Variants in SLIT3 observed in about 807,000 individuals in gnomAD.
The protein encoded by SLIT3 is slit guidance ligand 3, also known as slit homolog 3 protein.
SLIT3 carries 68 observed loss-of-function variants against 184.0 expected under a neutral mutation model. That is an observed-to-expected ratio of 0.37 (90% CI 0.30 to 0.45). SLIT3 has a LOEUF of 0.45. SLIT3 is among the 20% of genes least tolerant of loss of function. SLIT3 has a pLI of 1.00. For missense variants in SLIT3, 1,707 were observed against 2,026.0 expected, an observed-to-expected ratio of 0.84 and a Z score of 3.02; for synonymous variants, 831 against 828.6, an observed-to-expected ratio of 1.00 and a Z score of -0.05.
chr5:168,837,721 T>C (rs1758100007), intron 6 of SLIT3, among the ~76,000 whole-genome samples: 1 of 152,210 alleles, frequency 6.6e-6, no homozygotes, highest in South Asian at 2.1e-4. Context: ...AGAGAAACAG[T>C]ACAGAAGTAT....
intron 4 of SLIT3, among the ~76,000 whole-genome samples, chr5:169,086,799 A>C (rs1361422733): frequency 1.3e-5 from 2 of 152,174 alleles, no homozygotes; most frequent in African/African-American, 2.4e-5. Flanking sequence ...ATGTGGACAA[A>C]GGTTTAGGCC....
rs563626598 is a variant in SLIT3 at position 168,824,933 on chromosome 5, T to A, written c.558-1602A>T. On this transcript the variant is annotated intron_variant, in intron 6 of 35. Coordinates refer to ENST00000519560, the MANE Select transcript of SLIT3 (RefSeq NM_003062.4). The stretch of plus-strand genomic sequence containing the variant: ...TCCGCTTCAAATGCCCTCTACATCA[T>A]ACGTCTGCAAAGGCAGGACCATTTT... 2.6e-5 allele frequency among the ~76,000 whole-genome samples: 4 copies of A among 152,362 alleles called. No individual in the cohort carries two copies. In the South Asian group the frequency reaches 8.3e-4, roughly 32 times the overall value.
At chr5:168,781,442 A>AC (rs2113563123) in intron 12 of SLIT3, among the ~76,000 whole-genome samples, 1 of 152,252 alleles carries the variant, frequency 6.6e-6, no homozygotes, top group East Asian at 1.9e-4. Flanking sequence ...ATTTAAGTCT[A>AC]CCCAATGGCT....
At chr5:168,956,640 A>G (rs566087502) in intron 4 of SLIT3, among the ~76,000 whole-genome samples, 2 of 151,800 alleles carry the variant, frequency 1.3e-5, no homozygotes, top group Non-Finnish European at 2.9e-5. Context: ...CTAAAAACAC[A>G]AAAATTAGCT....
intron 4 of SLIT3, among the ~76,000 whole-genome samples, chr5:169,182,214 T>G (rs1484718840): frequency 2.0e-5 from 3 of 152,190 alleles, no homozygotes; most frequent in Admixed American, 6.5e-5. Flanking sequence ...ACATCATGAA[T>G]AAAACATCAG....
At chr5:169,259,322 G>A (rs1018904683) in intron 1 of SLIT3, among the ~76,000 whole-genome samples, 1 of 152,214 alleles carries the variant, frequency 6.6e-6, no homozygotes, top group Non-Finnish European at 1.5e-5. Context: ...GCCTCCCAAA[G>A]TGCTGGGATT....
intron 3 of SLIT3, among the ~76,000 whole-genome samples, chr5:169,227,411 C>T (rs1764850728): frequency 6.6e-6 from 1 of 152,042 alleles, no homozygotes; most frequent in African/African-American, 2.4e-5. Context: ...TAGGTTGGTG[C>T]AAAAATAAGT....
chr5:168,957,752 C>T (rs1291927676), intron 4 of SLIT3, among the ~76,000 whole-genome samples: 1 of 144,818 alleles, frequency 6.9e-6, no homozygotes, highest in African/African-American at 2.7e-5. Flanking sequence ...GATTCTGTTG[C>T]ACCCTCCACT....
At chr5:169,054,728 GC>G (rs1294043360) in intron 4 of SLIT3, among the ~76,000 whole-genome samples, 2 of 152,204 alleles carry the variant, frequency 1.3e-5, no homozygotes, top group Admixed American at 1.3e-4. Context: ...AACGACGTCT[GC>G]CAGCCTCTCT....
At chr5:168,781,038 C>T (rs1226892793) in intron 12 of SLIT3, among the ~76,000 whole-genome samples, 7 of 152,212 alleles carry the variant, frequency 4.6e-5, no homozygotes, top group African/African-American at 7.2e-5. Flanking sequence ...TCCCTTCTCT[C>T]CTGTTGGTGA....
At chr5:168,732,094 A>G (rs186245266) in intron 20 of SLIT3, among the ~76,000 whole-genome samples, 1 of 152,290 alleles carries the variant, frequency 6.6e-6, no homozygotes, top group East Asian at 1.9e-4. Context: ...GAATTCAGTA[A>G]AGTTTCAGGC....
At chr5:168,927,889 C>T (rs932581908) in intron 4 of SLIT3, among the ~76,000 whole-genome samples, 2 of 152,216 alleles carry the variant, frequency 1.3e-5, no homozygotes, top group East Asian at 3.8e-4. Flanking sequence ...TGTTTAACAG[C>T]CAGTTCAAAT....
chr5:168,822,547 G>A (rs750681181), intron 7 of SLIT3, among the ~76,000 whole-genome samples: 1 of 152,152 alleles, frequency 6.6e-6, no homozygotes, highest in Non-Finnish European at 1.5e-5. Flanking sequence ...CACTTACAGA[G>A]AAACTTACAA....
At chr5:169,072,230 G>T (rs1758578386) in intron 4 of SLIT3, among the ~76,000 whole-genome samples, 1 of 152,164 alleles carries the variant, frequency 6.6e-6, no homozygotes, top group Admixed American at 6.5e-5. Flanking sequence ...AGAGAATAAT[G>T]ATAAGCTTGA....
At chr5:168,736,006 G>C (rs1179878542) in intron 20 of SLIT3, among the ~76,000 whole-genome samples, 1 of 152,130 alleles carries the variant, frequency 6.6e-6, no homozygotes, top group Admixed American at 6.5e-5. Flanking sequence ...CATAAAACAT[G>C]TTCTTTCTAC....
chr5:169,015,731 T>C (rs943217456), intron 4 of SLIT3, among the ~76,000 whole-genome samples: 3 of 151,902 alleles, frequency 2.0e-5, no homozygotes, highest in African/African-American at 7.3e-5. Flanking sequence ...CTGGGCAACA[T>C]AGTGAGACCC....
At chr5:168,932,389 CA>C (rs1562012972) in intron 4 of SLIT3, among the ~76,000 whole-genome samples, 2 of 144,622 alleles carry the variant, frequency 1.4e-5, no homozygotes, top group Non-Finnish European at 3.0e-5. Context: ...CACACACACA[CA>C]CTACACACAC....
At chr5:169,090,626 ATGTGACTAAGACG>A (rs1490394830) in intron 4 of SLIT3, among the ~76,000 whole-genome samples, 1 of 152,180 alleles carries the variant, frequency 6.6e-6, no homozygotes, top group African/African-American at 2.4e-5. Context: ...ATGACAAAAG[ATGTGACTAAGACG>A]TGTTAAGGAT....
intron 4 of SLIT3, among the ~76,000 whole-genome samples, chr5:169,189,577 T>C (rs1228530401): frequency 1.8e-5 from 2 of 108,624 alleles, no homozygotes; most frequent in Non-Finnish European, 3.8e-5. Context: ...TATATATATA[T>C]ATGCAGTAAT....
Sources: gnomAD v4.1 joint callset for allele counts (sites outside exome capture counted in the v4.1 genomes callset) on GRCh38, gnomAD v4.1.1 for gene constraint, MANE v1.5 for transcripts, NCBI Gene and HGNC (gene_info 2026-07-23, HGNC 2026-07-21) for gene names.